KANK1: variants seen among roughly 807,000 people sequenced by gnomAD.
KANK1 encodes KN motif and ankyrin repeat domain-containing protein 1.
A neutral mutation model predicts 106.2 loss-of-function variants in KANK1; 109 were observed. That is an observed-to-expected ratio of 1.03 (90% CI 0.88 to 1.20). The LOEUF is 1.20. Among genes scored for constraint, KANK1 ranks in the 50% most tolerant of loss-of-function variants. KANK1 has a pLI of 0.00. For synonymous variants in KANK1, 873 were observed against 652.2 expected (o/e 1.34, Z -5.16); for missense variants, 2,399 against 1,710.7 (o/e 1.40, Z -7.10).
chr9:713,447 G>A lies in KANK1; in HGVS notation c.2681G>A (p.Ser894Asn). 1 of 1,594,144 alleles carries A rather than the reference G, an allele frequency of 6.3e-7. No individual in the cohort carries two copies. Among genetic ancestry groups the A allele is most frequent in the Non-Finnish European group, 8.5e-7 (1 of 1,171,644 alleles). ...AGGAACCCTGACTTCCAGAAAACCA[G>A]TCTGGGTAAAATCACAGGTAGGTGG... ...ELRNPDFQKTSLGKITGNYLG... is the reference protein window; with the variant it reads ...ELRNPDFQKTNLGKITGNYLG... Residue 894 changes from serine (S) to asparagine (N), a missense_variant, in exon 3 of 12, where the codon AGT becomes AAT. Physicochemically the swap from Ser to Asn is conservative, Grantham distance 46. Transcript: ENST00000382297.
At chr9:681,246 T>C (rs1004632985) in intron 2 of KANK1, among the ~76,000 whole-genome samples, 10 of 152,092 alleles carry the variant, frequency 6.6e-5, no homozygotes, top group African/African-American at 2.4e-4. Flanking sequence ...AACATTTTAT[T>C]ATGGTACTGC....
At chr9:734,986 G>A in intron 7 of KANK1, 151 bp downstream of exon 7, 1 of 623,610 alleles carries the variant, frequency 1.6e-6, no homozygotes, top group East Asian at 2.8e-5. Flanking sequence ...AACATCATGT[G>A]GTCTTGCTCC....
At chr9:731,398 CAGAAAGGT>C (rs1377461972) in intron 5 of KANK1, 132 bp downstream of exon 5, 12 of 553,854 alleles carry the variant, frequency 2.2e-5, no homozygotes. Flanking sequence ...CTCAGAAAGG[CAGAAAGGT>C]GCATTTGGGC....
intron 1 of KANK1, among the ~76,000 whole-genome samples, chr9:592,313 G>A (rs989702485): frequency 1.3e-5 from 2 of 151,862 alleles, no homozygotes; most frequent in Non-Finnish European, 2.9e-5. Flanking sequence ...GCGCAGGACT[G>A]CTCTTTCCCA....
At chr9:710,499 T>A (rs1449430376) in intron 2 of KANK1, among the ~76,000 whole-genome samples, 1 of 151,332 alleles carries the variant, frequency 6.6e-6, no homozygotes, top group East Asian at 2.0e-4. Flanking sequence ...ACCCCTGTAA[T>A]CCCAGCAACT....
At chr9:485,448 T>TGTA (rs1311842570) in intron 3 of KANK1, among the ~76,000 whole-genome samples, 1 of 152,232 alleles carries the variant, frequency 6.6e-6, no homozygotes, top group East Asian at 1.9e-4. Flanking sequence ...TTGTGCCATT[T>TGTA]GTAGGTACAA....
chr9:481,839 G>C (rs879755830), intron 3 of KANK1, among the ~76,000 whole-genome samples: 1 of 146,016 alleles, frequency 6.8e-6, no homozygotes, highest in Non-Finnish European at 1.5e-5. Flanking sequence ...GCAAGACCCT[G>C]TCTCTAAAAA....
intron 1 of KANK1, among the ~76,000 whole-genome samples, chr9:622,653 C>T: frequency 6.6e-6 from 1 of 152,126 alleles, no homozygotes; most frequent in Middle Eastern, 3.2e-3. Context: ...CCTGTAATCC[C>T]AGCACTTTGG....
At chr9:700,942 C>T (rs1822506012) in intron 2 of KANK1, among the ~76,000 whole-genome samples, 1 of 152,144 alleles carries the variant, frequency 6.6e-6, no homozygotes, top group South Asian at 2.1e-4. Context: ...GTTTTAAAGT[C>T]CACAGGACAC....
chr9:735,267 T>G lies in KANK1; in HGVS notation c.3333+432T>G, dbSNP rs549825458. 3.9e-5 allele frequency among the ~76,000 whole-genome samples: 6 copies of G among 152,336 alleles called. No individual in the cohort carries two copies. In the East Asian group the frequency reaches 1.2e-3, roughly 29 times the overall value. ...CCAAGGTCAGCATTCCTTTCAGTTA[T>G]GAAACTGTATGTTATGCTCTGATGT... On this transcript the variant is annotated intron_variant, in intron 7 of 11. Coordinates refer to ENST00000382297, the MANE Select transcript of KANK1 (RefSeq NM_015158.5).
chr9:559,676 G>A (rs1815868166), intron 1 of KANK1, among the ~76,000 whole-genome samples: 1 of 152,180 alleles, frequency 6.6e-6, no homozygotes, highest in African/African-American at 2.4e-5. Context: ...AAGACAAACA[G>A]ATATTTTTCA....
At chr9:491,447 T>G (rs1246082421) in intron 3 of KANK1, among the ~76,000 whole-genome samples, 1 of 151,948 alleles carries the variant, frequency 6.6e-6, no homozygotes, top group Admixed American at 6.6e-5. Context: ...TTTGTATTTT[T>G]TAGTAGAGAT....
Position 692,696 on chromosome 9 carries a change from A to G in KANK1, c.37+15687A>G, listed in dbSNP as rs1461548310. On this transcript the variant is annotated intron_variant, in intron 2 of 11. Coordinates refer to ENST00000382297, the MANE Select transcript of KANK1 (RefSeq NM_015158.5). Reference sequence around the variant, plus strand: ...ATGTTATCATTTACTTTTGACAGAAATGTTTTCTTCTGCTTTTGAAAAAAA... The same window carrying G: ...ATGTTATCATTTACTTTTGACAGAAGTGTTTTCTTCTGCTTTTGAAAAAAA... Among the ~76,000 whole-genome samples the G allele has an allele frequency of 2.6e-4, 36 of 137,336 alleles. No homozygotes were observed. In the Admixed American group the frequency reaches 2.9e-3, roughly 11 times the overall value. The allele number at this position is 137,336 out of a possible 152,430, so 90.1% of individuals were successfully genotyped here. A position where few individuals can be genotyped will look rare whatever the true frequency, so the allele number is the denominator to read the frequency against.
intron 1 of KANK1, chr9:547,450 G>C (rs137927204): frequency 2.1e-5 from 3 of 143,126 alleles, no homozygotes; most frequent in African/African-American, 7.3e-5. Context: ...TGAGTATTAA[G>C]ATTTGGCACA....
At chr9:641,269 GAATGT>G (rs1350233353) in intron 1 of KANK1, among the ~76,000 whole-genome samples, 1 of 152,206 alleles carries the variant, frequency 6.6e-6, no homozygotes, top group East Asian at 1.9e-4. Flanking sequence ...GTCTGGACAT[GAATGT>G]GTATAATCTG....
At chr9:538,583 CAG>C (rs1234766467) in intron 1 of KANK1, among the ~76,000 whole-genome samples, 3 of 152,328 alleles carry the variant, frequency 2.0e-5, no homozygotes, top group African/African-American at 7.2e-5. Flanking sequence ...TAGATACCTG[CAG>C]AGGTTCCTTC....
chr9:695,734 T>G (rs1356856165), intron 2 of KANK1, among the ~76,000 whole-genome samples: 1 of 152,056 alleles, frequency 6.6e-6, no homozygotes, highest in East Asian at 1.9e-4. Context: ...AACCCACCCA[T>G]TGTTCTAAGT....
intron 1 of KANK1, among the ~76,000 whole-genome samples, chr9:555,983 A>T (rs10114004): frequency 0.071 from 10,759 of 152,200 alleles, 1,033 homozygotes; most frequent in East Asian, 0.22. Context: ...AAACATTTTC[A>T]GAGTTATACT....
At chr9:657,466 G>A (rs1035449877) in intron 1 of KANK1, among the ~76,000 whole-genome samples, 1 of 152,198 alleles carries the variant, frequency 6.6e-6, no homozygotes, top group South Asian at 2.1e-4. Context: ...TTCTGTAGCA[G>A]CTGCACCATT....
Sources: allele counts gnomAD v4.1 joint callset (sites outside exome capture counted in the v4.1 genomes callset), GRCh38; gene constraint gnomAD v4.1.1; transcripts MANE v1.5; gene names NCBI Gene and HGNC (gene_info 2026-07-23, HGNC 2026-07-21).